PDLIM1: variants seen among roughly 807,000 people sequenced by gnomAD.
The protein encoded by PDLIM1 is PDZ and LIM domain protein 1.
A neutral mutation model predicts 35.2 loss-of-function variants in PDLIM1; 25 were observed. The observed-to-expected ratio is 0.71, with a 90% CI of 0.52 to 0.99. The LOEUF is 0.99. Among genes scored for constraint, PDLIM1 ranks in the 50% least tolerant of loss-of-function variants. The pLI, the probability that PDLIM1 is intolerant of heterozygous loss-of-function variation, is 0.00. For synonymous variants in PDLIM1, 152 were observed against 154.0 expected (o/e 0.99, Z 0.10); for missense variants, 363 against 415.3 (o/e 0.87, Z 1.09).
At chr10:95,239,785 G>T (rs2035161050) in intron 5 of PDLIM1, among the ~76,000 whole-genome samples, 1 of 152,070 alleles carries the variant, frequency 6.6e-6, no homozygotes, top group South Asian at 2.1e-4. Context: ...AACAGAGCGA[G>T]ACTCCATCTC....
chr10:95,268,627 A>C (rs776920817), intron 3 of PDLIM1, 151 bp downstream of exon 3: 19 of 642,488 alleles, frequency 3.0e-5, no homozygotes, highest in Non-Finnish European at 4.5e-5. Context: ...CCTTACGGGA[A>C]GAACTGAACA....
chr10:95,276,707 T>C (rs1387211393), intron 1 of PDLIM1, among the ~76,000 whole-genome samples: 1 of 152,022 alleles, frequency 6.6e-6, no homozygotes, highest in East Asian at 1.9e-4. Context: ...TCTGCATCAT[T>C]ACAGATGAGG....
chr10:95,276,008 G>A (rs527706217), intron 1 of PDLIM1, among the ~76,000 whole-genome samples: 1 of 152,154 alleles, frequency 6.6e-6, no homozygotes, highest in East Asian at 1.9e-4. Context: ...ATTCTTTTAT[G>A]AGCTATCTTT....
intron 2 of PDLIM1, among the ~76,000 whole-genome samples, chr10:95,270,119 A>G (rs2035451121): frequency 6.6e-6 from 1 of 152,174 alleles, no homozygotes; most frequent in South Asian, 2.1e-4. Context: ...CAAATAAAAA[A>G]TCAATTAATC....
chr10:95,272,380 A>C (rs539747956), intron 1 of PDLIM1, among the ~76,000 whole-genome samples: 1 of 152,340 alleles, frequency 6.6e-6, no homozygotes, highest in East Asian at 1.9e-4. Flanking sequence ...ATTACTTTTT[A>C]ATTTAAAAAA....
Position 95,271,670 on chromosome 10 carries a change from T to C in PDLIM1, c.211A>G (p.Lys71Glu). Residue 71 changes from lysine to glutamate, a missense_variant, in exon 2 of 7, where the codon AAA (lysine) becomes GAA (glutamate). Coordinates refer to ENST00000329399, the MANE Select transcript of PDLIM1 (RefSeq NM_020992.4). ...AGAGTCAAGTTGTCTGTGCAGCCTT[T>C]GATTCTGTTCTGAGCTTCCAAGTGT... ...MTHLEAQNRI[K>E]GCTDNLTLTV... 1 of 1,610,470 alleles carries C rather than the reference T, an allele frequency of 6.2e-7. No homozygotes were observed.
intron 1 of PDLIM1, among the ~76,000 whole-genome samples, chr10:95,274,572 C>T (rs1209954924): frequency 1.3e-5 from 2 of 152,146 alleles, no homozygotes; most frequent in African/African-American, 2.4e-5. Flanking sequence ...GCTGGGATTA[C>T]AGGCGTGAGC....
At chr10:95,247,593 T>C (rs2035233617) in intron 4 of PDLIM1, 5 of 415,522 alleles carry the variant, frequency 1.2e-5, no homozygotes, top group South Asian at 6.5e-5. Flanking sequence ...TTCTTCTAAA[T>C]AGCTTCAGTA....
chr10:95,279,939 A>G (rs1345341554), intron 1 of PDLIM1, among the ~76,000 whole-genome samples: 1 of 152,238 alleles, frequency 6.6e-6, no homozygotes, highest in Non-Finnish European at 1.5e-5. Flanking sequence ...ATATGCTTCA[A>G]TTCTAGGCAA....
chr10:95,279,405 C>A (rs1399400129), intron 1 of PDLIM1, among the ~76,000 whole-genome samples: 2 of 152,176 alleles, frequency 1.3e-5, no homozygotes, highest in African/African-American at 4.8e-5. Flanking sequence ...TATAATTATA[C>A]TTTATACCAC....
chr10:95,255,415 A>G (rs2035304159), intron 4 of PDLIM1, among the ~76,000 whole-genome samples: 2 of 152,212 alleles, frequency 1.3e-5, no homozygotes, highest in Middle Eastern at 3.4e-3. Context: ...CAAATTCAAC[A>G]GCATATTAAA....
chr10:95,237,767 G>T lies in PDLIM1; in HGVS notation c.*158C>A. 1.6e-6 allele frequency: 1 copy of T among 617,516 alleles called. No homozygotes were observed. The highest frequency in any genetic ancestry group is 2.1e-5 in the South Asian group (1 of 48,342). The allele number at this position is 617,516 out of a possible 1,614,324, so 38.3% of individuals were successfully genotyped here. On this transcript the variant is annotated 3_prime_UTR_variant, in exon 7 of 7. Transcript: ENST00000329399. ...TAAAAGCGGGCATCGCACAGCTGGTGTGAGTCAATTAACCAAGGCAGGGAG... is the reference window on the plus strand; with the variant it reads ...TAAAAGCGGGCATCGCACAGCTGGTTTGAGTCAATTAACCAAGGCAGGGAG...
chr10:95,290,472 C>T lies in PDLIM1; in HGVS notation c.96+348G>A, dbSNP rs77037874. Among the ~76,000 whole-genome samples, 2,834 of 150,346 alleles carry T rather than the reference C, an allele frequency of 0.019. 103 individuals carry two copies. Among genetic ancestry groups the T allele is most frequent in the African/African-American group, 0.065 (2,679 of 41,140 alleles). On this transcript the variant is annotated intron_variant, in intron 1 of 6. Coordinates refer to ENST00000329399, the MANE Select transcript of PDLIM1 (RefSeq NM_020992.4). The surrounding 1 kb of genome is among the most constrained non-coding windows in gnomAD (Gnocchi z 4.7). ...TCTGGGAAGAAGGGAGAAGTGCCAT[C>T]TCCCAGCGCGCGGGATCTGCGGGGA...
intron 4 of PDLIM1, among the ~76,000 whole-genome samples, chr10:95,263,638 A>G (rs2035385256): frequency 6.6e-6 from 1 of 152,226 alleles, no homozygotes; most frequent in African/African-American, 2.4e-5. Flanking sequence ...TGCTTAACAC[A>G]ATGCTGGGCA....
rs1401965210 is a variant in PDLIM1, at chr10:95,237,630, G to T, written c.*295C>A. On this transcript the variant is annotated 3_prime_UTR_variant, in exon 7 of 7. Transcript: ENST00000329399. ...AATCAGTGTCAGACACGTTATATTT[G>T]ATTGGGTTCAAATTTGGCTGATGTC... 4 of 387,438 alleles carry T rather than the reference G, an allele frequency of 1.0e-5. No homozygotes were observed. The highest frequency in any genetic ancestry group is 1.9e-5 in the Non-Finnish European group (4 of 211,334). The allele number at this position is 387,438 out of a possible 1,614,324, so 24.0% of individuals were successfully genotyped here.
intron 1 of PDLIM1, among the ~76,000 whole-genome samples, chr10:95,287,720 G>A (rs2035615108): frequency 6.6e-6 from 1 of 151,876 alleles, no homozygotes; most frequent in Admixed American, 6.6e-5. Context: ...TTTGAAGCAG[G>A]AACTGACAGA....
chr10:95,256,981 AAAAAAAAAGAAAGAAAGAAAG>A (rs1169368382), intron 4 of PDLIM1, among the ~76,000 whole-genome samples: 1 of 106,446 alleles, frequency 9.4e-6, no homozygotes, highest in Non-Finnish European at 2.2e-5. Context: ...TCTTAAAAAA[AAAAAAAAAGAAAGAAAGAAAG>A]AAAGAAAGAA....
intron 4 of PDLIM1, among the ~76,000 whole-genome samples, chr10:95,248,362 C>G (rs1376446224): frequency 1.3e-5 from 2 of 152,228 alleles, no homozygotes; most frequent in African/African-American, 4.8e-5. Context: ...AATCCTCCTG[C>G]CTCGGCCTCC....
At chr10:95,280,299 G>C (rs1052592483) in intron 1 of PDLIM1, among the ~76,000 whole-genome samples, 2 of 151,996 alleles carry the variant, frequency 1.3e-5, no homozygotes, top group East Asian at 1.9e-4. Context: ...CACTTGAACC[G>C]GGGAGGCAGA....
Sources: gnomAD v4.1 joint callset for allele counts (sites outside exome capture counted in the v4.1 genomes callset) on GRCh38, gnomAD v4.1.1 for gene constraint, Gnocchi (gnomAD v3.1) non-coding constraint, MANE v1.5 for transcripts, NCBI Gene and HGNC (gene_info 2026-07-23, HGNC 2026-07-21) for gene names.